ME1: variants seen among roughly 807,000 people sequenced by gnomAD.
ME1 encodes malic enzyme 1.
A neutral mutation model predicts 66.4 loss-of-function variants in ME1; 74 were observed. The observed-to-expected ratio is 1.11, with a 90% confidence interval of 0.92 to 1.35. ME1 has a LOEUF of 1.35. Ranked by LOEUF, ME1 falls within the 40% of genes most tolerant of loss-of-function variation. The pLI is 0.00. For missense variants in ME1, 750 were observed against 694.1 expected (o/e 1.08, Z -0.90); for synonymous variants, 251 against 235.6 (o/e 1.07, Z -0.60).
intron 6 of ME1, among the ~76,000 whole-genome samples, chr6:83,288,294 C>T (rs1767435571): frequency 6.6e-6 from 1 of 152,124 alleles, no homozygotes. Context: ...CTAGGTCTTA[C>T]ATTTAAGTCT....
At chr6:83,323,733 T>C (rs1202372781) in intron 5 of ME1, among the ~76,000 whole-genome samples, 3 of 152,072 alleles carry the variant, frequency 2.0e-5, no homozygotes, top group African/African-American at 7.2e-5. Context: ...CACAAAATAA[T>C]AGTGGAAGAC....
chr6:83,240,588 C>G (rs1790492437), intron 7 of ME1, among the ~76,000 whole-genome samples: 1 of 152,052 alleles, frequency 6.6e-6, no homozygotes, highest in Non-Finnish European at 1.5e-5. Flanking sequence ...CACTTTCCAG[C>G]TGTATCTATA....
At chr6:83,406,476 T>C (rs1401203295) in intron 2 of ME1, among the ~76,000 whole-genome samples, 4 of 152,162 alleles carry the variant, frequency 2.6e-5, no homozygotes, top group Admixed American at 6.5e-5. Flanking sequence ...TTTTCGTTGG[T>C]ACTCTGGCCT....
At chr6:83,322,910 G>C (rs1038297314) in intron 5 of ME1, among the ~76,000 whole-genome samples, 1 of 152,170 alleles carries the variant, frequency 6.6e-6, no homozygotes, top group African/African-American at 2.4e-5. Context: ...AGAGAGAAGG[G>C]TTGGGTTATC....
chr6:83,211,948 T>A lies in ME1; in HGVS notation c.1695A>T (p.Lys565Asn). The A allele has an allele frequency of 6.2e-7, 1 of 1,602,198 alleles. No homozygotes were observed. The highest frequency in any genetic ancestry group is 8.5e-7 in the Non-Finnish European group (1 of 1,173,290). Residue 565 changes from lysine (K) to asparagine (N), a missense_variant, in exon 14 of 14, where the codon AAA (lysine) becomes AAT (asparagine). By Grantham distance (94) the Lys-to-Asn change is moderately conservative (BLOSUM62 0). Coordinates refer to ENST00000369705, the MANE Select transcript of ME1 (RefSeq NM_002395.6). ...DCYSWPEEVQ[K>N]IQTKVDQ ...CCTACTGGTCAACTTTGGTCTGTAT[T>A]TTCTGCACCTCTTCAGGCCAAGAAT...
intron 6 of ME1, among the ~76,000 whole-genome samples, chr6:83,287,560 A>T (rs1054496121): frequency 6.6e-6 from 1 of 152,172 alleles, no homozygotes; most frequent in African/African-American, 2.4e-5. Context: ...TCATTGATGG[A>T]CATTTGGGTT....
chr6:83,383,765 CAT>C (rs1769451678), intron 3 of ME1, among the ~76,000 whole-genome samples: 1 of 151,666 alleles, frequency 6.6e-6, no homozygotes, highest in South Asian at 2.1e-4. Flanking sequence ...AGCCACCAAT[CAT>C]ATTAAGATCA....
chr6:83,305,590 C>G (rs185195301), intron 6 of ME1, among the ~76,000 whole-genome samples: 113 of 152,240 alleles, frequency 7.4e-4, no homozygotes, highest in Non-Finnish European at 1.5e-3. Flanking sequence ...AATGACAGTA[C>G]AGGCAGCGTG....
intron 12 of ME1, among the ~76,000 whole-genome samples, chr6:83,221,939 T>A (rs1017493695): frequency 3.3e-5 from 5 of 152,110 alleles, no homozygotes; most frequent in African/African-American, 1.2e-4. Context: ...GCCAGAGAGA[T>A]CACTAGCTAT....
intron 3 of ME1, among the ~76,000 whole-genome samples, chr6:83,359,298 C>T (rs779793611): frequency 1.3e-5 from 2 of 152,114 alleles, no homozygotes; most frequent in African/African-American, 2.4e-5. Flanking sequence ...GACAAAAGTC[C>T]CGGCAGGCCC....
At chr6:83,255,429 A>G (rs1562461135) in intron 6 of ME1, among the ~76,000 whole-genome samples, 1 of 151,908 alleles carries the variant, frequency 6.6e-6, no homozygotes, top group Non-Finnish European at 1.5e-5. Flanking sequence ...ATGTGGTTAG[A>G]TCTTTCAATT....
chr6:83,413,968 A>G (rs1380309370), intron 1 of ME1, among the ~76,000 whole-genome samples: 1 of 151,978 alleles, frequency 6.6e-6, no homozygotes, highest in East Asian at 1.9e-4. Flanking sequence ...TAAATTAGCC[A>G]GGTATGGTGG....
chr6:83,320,483 G>C (rs1768129703), intron 5 of ME1, among the ~76,000 whole-genome samples: 1 of 152,200 alleles, frequency 6.6e-6, no homozygotes. Context: ...ATATATTTCA[G>C]ATGAAATGTA....
At chr6:83,306,163 G>A (rs1243840399) in intron 6 of ME1, among the ~76,000 whole-genome samples, 3 of 151,892 alleles carry the variant, frequency 2.0e-5, no homozygotes, top group Non-Finnish European at 1.5e-5. Context: ...TGTTACCAAT[G>A]AGCGGATGTA....
chr6:83,230,521 T>C (rs1205598334), intron 9 of ME1, among the ~76,000 whole-genome samples: 2 of 152,192 alleles, frequency 1.3e-5, no homozygotes, highest in African/African-American at 4.8e-5. Flanking sequence ...CACTCAGGAC[T>C]GTACCTGGTT....
intron 2 of ME1, among the ~76,000 whole-genome samples, chr6:83,405,024 T>C (rs186425330): frequency 6.6e-6 from 1 of 152,292 alleles, no homozygotes; most frequent in African/African-American, 2.4e-5. Context: ...TTTAAAGTAG[T>C]TTTTTCTAAT....
chr6:83,243,877 A>ATG (rs1246570558), intron 7 of ME1, among the ~76,000 whole-genome samples: 31 of 108,178 alleles, frequency 2.9e-4, no homozygotes, highest in South Asian at 1.5e-3. Flanking sequence ...CTCTCTCTAT[A>ATG]TGTGTGTGTG....
Position 83,417,422 on chromosome 6 carries a change from C to G in ME1, c.79-9521G>C, listed in dbSNP as rs770943736. On this transcript the variant is annotated intron_variant, in intron 1 of 13. Transcript: ENST00000369705. ...TTGAGACGGAGTCTCACTTTGTCGC[C>G]CAGGCTAGAGTGAAGTGGCGTGATC... Among the ~76,000 whole-genome samples the G allele has an allele frequency of 2.0e-5, 3 of 151,840 alleles. No homozygotes were observed. In the East Asian group the frequency reaches 5.8e-4, roughly 29 times the overall value.
chr6:83,401,986 T>A (rs1769849116), intron 2 of ME1, among the ~76,000 whole-genome samples: 1 of 152,338 alleles, frequency 6.6e-6, no homozygotes, highest in Admixed American at 6.5e-5. Flanking sequence ...AAGCTACTAT[T>A]CATGGACTTA....
Sources: allele counts gnomAD v4.1 joint callset (sites outside exome capture counted in the v4.1 genomes callset), GRCh38; gene constraint gnomAD v4.1.1; transcripts MANE v1.5; gene names NCBI Gene and HGNC (gene_info 2026-07-23, HGNC 2026-07-21).